UGT3A1: variants seen among roughly 807,000 people sequenced by gnomAD.
UGT3A1 encodes UDP-glycosyltransferase 3A1.
A neutral mutation model predicts 37.6 loss-of-function variants in UGT3A1; 40 were observed. The observed-to-expected ratio is 1.06, with a 90% confidence interval of 0.83 to 1.38. The LOEUF is 1.38. Ranked by LOEUF, UGT3A1 falls within the 40% of genes most tolerant of loss-of-function variation. UGT3A1 has a pLI of 0.00. For missense variants in UGT3A1, 642 were observed against 634.2 expected (o/e 1.01, Z -0.13); for synonymous variants, 256 against 232.3 (o/e 1.10, Z -0.93).
intron 2 of UGT3A1, among the ~76,000 whole-genome samples, chr5:35,972,420 C>T (rs1561463917): frequency 6.6e-6 from 1 of 151,822 alleles, no homozygotes; most frequent in Non-Finnish European, 1.5e-5. Context: ...TTGAGACTTT[C>T]CAGCTTGCCT....
intron 5 of UGT3A1, among the ~76,000 whole-genome samples, chr5:35,956,563 AG>A (rs1235740439): frequency 6.6e-6 from 1 of 152,230 alleles, no homozygotes; most frequent in Non-Finnish European, 1.5e-5. Context: ...GTCTCCAAAA[AG>A]TATCACAAGG....
chr5:35,982,174 T>C (rs1487506301), intron 2 of UGT3A1, among the ~76,000 whole-genome samples: 1 of 152,240 alleles, frequency 6.6e-6, no homozygotes, highest in African/African-American at 2.4e-5. Context: ...GGAGAACCTC[T>C]ACTAGGGCAG....
rs1439530205 is a variant in UGT3A1 at position 35,960,658 on chromosome 5, A to T, written c.844-3239T>A. Reference sequence around the variant, plus strand: ...TACAGTGCACTCTTTTAGCTTTGCAATCTACAGACGGCTTAAGTGTTAACC... The same window carrying T: ...TACAGTGCACTCTTTTAGCTTTGCATTCTACAGACGGCTTAAGTGTTAACC... On this transcript the variant is annotated intron_variant, in intron 4 of 6. Coordinates refer to ENST00000274278, the MANE Select transcript of UGT3A1 (RefSeq NM_152404.4). The T allele has an allele frequency of 2.6e-5, 4 of 152,370 alleles. No homozygotes were observed. The South Asian group carries it at 8.3e-4, about 32-fold the overall frequency. 9.4% of individuals were successfully genotyped at this position (152,370 alleles called of 1,614,324 possible). A position where few individuals can be genotyped will look rare whatever the true frequency, so the allele number is the denominator to read the frequency against.
intron 2 of UGT3A1, among the ~76,000 whole-genome samples, chr5:35,977,913 G>T (rs532992567): frequency 1.3e-5 from 2 of 152,222 alleles, no homozygotes; most frequent in South Asian, 4.1e-4. Context: ...CACATAGTGG[G>T]GATTGCAAAG....
At chr5:35,959,600 T>G (rs1386858820) in intron 4 of UGT3A1, among the ~76,000 whole-genome samples, 1 of 151,296 alleles carries the variant, frequency 6.6e-6, no homozygotes. Flanking sequence ...TCAGTGAACT[T>G]GAAGACAAAT....
At chr5:35,956,390 A>G (rs982530090) in intron 5 of UGT3A1, among the ~76,000 whole-genome samples, 1 of 152,246 alleles carries the variant, frequency 6.6e-6, no homozygotes, top group Non-Finnish European at 1.5e-5. Context: ...AGAAATGTGG[A>G]TTCGAATCTA....
intron 2 of UGT3A1, among the ~76,000 whole-genome samples, chr5:35,973,781 C>T (rs923745094): frequency 2.0e-5 from 3 of 152,046 alleles, no homozygotes; most frequent in African/African-American, 4.8e-5. Flanking sequence ...GATTTAATTG[C>T]ATCTTGGGGT....
intron 2 of UGT3A1, chr5:35,997,206 C>G (rs1446835006): frequency 6.6e-6 from 1 of 152,232 alleles, no homozygotes; most frequent in African/African-American, 2.4e-5. Flanking sequence ...CAGCAGTCCC[C>G]AACCCACACA....
At chr5:35,986,667 C>T (rs150293877) in intron 2 of UGT3A1, among the ~76,000 whole-genome samples, 22 of 151,818 alleles carry the variant, frequency 1.4e-4, no homozygotes, top group African/African-American at 4.1e-4. Context: ...TACTAGAGAC[C>T]GGAAATGGTA....
chr5:35,989,428 A>G (rs1317688865), intron 1 of UGT3A1, among the ~76,000 whole-genome samples: 1 of 152,212 alleles, frequency 6.6e-6, no homozygotes, highest in Admixed American at 6.5e-5. Flanking sequence ...AAATTAATGG[A>G]AAAATGCCGA....
intron 4 of UGT3A1, among the ~76,000 whole-genome samples, chr5:35,958,439 T>A (rs1227520055): frequency 6.6e-6 from 1 of 152,216 alleles, no homozygotes; most frequent in Non-Finnish European, 1.5e-5. Context: ...CTTGATTCCA[T>A]CCAGCATAAC....
Position 35,955,719 on chromosome 5 carries a change from AC to A in UGT3A1, c.1220del (p.Gly407ValfsTer6). On this transcript the variant is annotated frameshift_variant, in exon 6 of 7. Coordinates refer to ENST00000274278, the MANE Select transcript of UGT3A1 (RefSeq NM_152404.4). LOFTEE classifies it high-confidence loss of function. ...TGACCTGATTCAACCGGATAGAGAC[AC>A]CATAATTTTTGGCTACTACTCGGAC... ...NMVRVVAKNYGVSIRLNQVTA... is the reference protein window; with the variant it reads ...NMVRVVAKNYXVSIRLNQVTA... The A allele has an allele frequency of 1.2e-6, 2 of 1,614,168 alleles. No homozygotes were observed. Among genetic ancestry groups the A allele is most frequent in the Non-Finnish European group, 1.7e-6 (2 of 1,180,028 alleles).
At chr5:35,971,463 TACAC>T (rs76860183) in intron 2 of UGT3A1, among the ~76,000 whole-genome samples, 6,508 of 147,824 alleles carry the variant, frequency 0.044, 289 homozygotes, top group South Asian at 0.17. Context: ...GACACACGCA[TACAC>T]ACACACACAC....
At chr5:35,957,615 A>C (rs1739409855) in intron 4 of UGT3A1, among the ~76,000 whole-genome samples, 196 bp from the exon 5 acceptor site, 1 of 152,152 alleles carries the variant, frequency 6.6e-6, no homozygotes, top group Non-Finnish European at 1.5e-5. Flanking sequence ...GATGACCTAG[A>C]AGTCATTTTT....
intron 3 of UGT3A1, among the ~76,000 whole-genome samples, chr5:35,966,710 G>A (rs957324594): frequency 2.0e-5 from 3 of 152,114 alleles, no homozygotes; most frequent in Non-Finnish European, 1.5e-5. Context: ...CCTGAGCAGT[G>A]GTAATAGGTA....
rs577614329 is a variant in UGT3A1, at chr5:35,984,725, G to A, written c.196+3725C>T. ...TGACCTCAGGTGATCCACCCACCTC[G>A]GCTTCCCAAAGTCCTGAGATTACAG... is the stretch of plus-strand genomic sequence containing the variant. On this transcript the variant is annotated intron_variant, in intron 2 of 6. Coordinates refer to ENST00000274278, the MANE Select transcript of UGT3A1 (RefSeq NM_152404.4). Among the ~76,000 whole-genome samples, 24 of 151,986 alleles carry A rather than the reference G, an allele frequency of 1.6e-4. No homozygotes were observed. In the South Asian group the frequency reaches 1.9e-3, roughly 12 times the overall value.
chr5:35,965,925 A>T lies in UGT3A1; in HGVS notation c.312-8T>A, dbSNP rs201987479. 2.7e-5 allele frequency: 41 copies of T among 1,503,122 alleles called. No individual in the cohort carries two copies. The highest frequency in any genetic ancestry group is 2.0e-4 in the Middle Eastern group (1 of 5,080). 93.1% of individuals were successfully genotyped at this position (1,503,122 alleles called of 1,614,324 possible). On this transcript the variant is annotated splice_region_variant and splice_polypyrimidine_tract_variant and intron_variant, in intron 3 of 6. Transcript: ENST00000274278. ...AGGGCTTCAGATTCTTTTCTGTAAT[A>T]AAGAAAATAAATAATAAATATTTGG...
chr5:35,996,746 A>G (rs1741105188), intron 2 of UGT3A1, among the ~76,000 whole-genome samples: 1 of 152,230 alleles, frequency 6.6e-6, no homozygotes, highest in Non-Finnish European at 1.5e-5. Context: ...ATGTTAAAAC[A>G]TCATCTTGTG....
At chr5:35,960,446 T>G (rs1160338292) in intron 4 of UGT3A1, among the ~76,000 whole-genome samples, 1 of 152,198 alleles carries the variant, frequency 6.6e-6, no homozygotes, top group Non-Finnish European at 1.5e-5. Context: ...TCACAGGGTA[T>G]GTGACAAGGG....
Sources: gnomAD v4.1 joint callset for allele counts (sites outside exome capture counted in the v4.1 genomes callset) on GRCh38, gnomAD v4.1.1 for gene constraint, MANE v1.5 for transcripts, NCBI Gene and HGNC (gene_info 2026-07-23, HGNC 2026-07-21) for gene names.